Variants in SLC44A5 observed in about 807,000 individuals in gnomAD.
SLC44A5 encodes solute carrier family 44 member 5, also known as choline transporter-like protein 5.
In SLC44A5, 57 loss-of-function variants were observed where a neutral mutation model predicts 101.8. That is an observed-to-expected ratio of 0.56 (90% CI 0.45 to 0.70). The LOEUF is 0.70. Ranked by LOEUF, SLC44A5 falls within the 30% of genes least tolerant of loss-of-function variation. The pLI, the probability that SLC44A5 is intolerant of heterozygous loss-of-function variation, is 0.00. For missense variants in SLC44A5, 737 were observed against 853.1 expected, an observed-to-expected ratio of 0.86 and a Z score of 1.70; for synonymous variants, 281 against 290.9, an observed-to-expected ratio of 0.97 and a Z score of 0.35.
intron 6 of SLC44A5, among the ~76,000 whole-genome samples, chr1:75,261,758 A>T (rs1468998582): frequency 7.9e-5 from 12 of 152,138 alleles, no homozygotes; most frequent in Non-Finnish European, 4.4e-5. Flanking sequence ...TGGATGCGAA[A>T]ATCCTCAATA....
chr1:75,460,683 A>ATTGG (rs2101691885), intron 2 of SLC44A5, among the ~76,000 whole-genome samples: 1 of 152,334 alleles, frequency 6.6e-6, no homozygotes, highest in Non-Finnish European at 1.5e-5. Context: ...AGATTCCAAT[A>ATTGG]AAAGGGATCT....
At chr1:75,320,464 C>A (rs1023525795) in intron 4 of SLC44A5, among the ~76,000 whole-genome samples, 10 of 152,012 alleles carry the variant, frequency 6.6e-5, no homozygotes, top group African/African-American at 2.2e-4. Context: ...TGCAAAAAAA[C>A]CAAATGCCTA....
chr1:75,333,054 A>G (rs139177888), intron 4 of SLC44A5, among the ~76,000 whole-genome samples: 66 of 152,288 alleles, frequency 4.3e-4, no homozygotes, highest in Admixed American at 1.6e-3. Flanking sequence ...AACCTATAGA[A>G]AAAAAGAACA....
the SLC44A5 span, among the ~76,000 whole-genome samples, chr1:75,651,136 A>C: frequency 1.3e-5 from 2 of 152,180 alleles, no homozygotes; most frequent in Non-Finnish European, 2.9e-5. Flanking sequence ...TTGGGAGCCA[A>C]ATGTCAAGAA....
At chr1:75,688,509 A>G in the SLC44A5 span, among the ~76,000 whole-genome samples, 1 of 152,092 alleles carries the variant, frequency 6.6e-6, no homozygotes, top group African/African-American at 2.4e-5. Context: ...ATGCTGAATC[A>G]TCTCTATTCC....
intron 3 of SLC44A5, among the ~76,000 whole-genome samples, chr1:75,394,914 T>C (rs1662030241): frequency 6.6e-6 from 1 of 152,062 alleles, no homozygotes; most frequent in African/African-American, 2.4e-5. Flanking sequence ...AGATGCACTT[T>C]TAGTGGATGC....
At chr1:75,655,011 T>C in the SLC44A5 span, among the ~76,000 whole-genome samples, 1 of 152,148 alleles carries the variant, frequency 6.6e-6, no homozygotes, top group Non-Finnish European at 1.5e-5. Context: ...CAAATTTGGG[T>C]TCGTCATCTG....
intron 3 of SLC44A5, among the ~76,000 whole-genome samples, chr1:75,392,821 C>T (rs763005057): frequency 6.6e-6 from 1 of 152,086 alleles, no homozygotes; most frequent in African/African-American, 2.4e-5. Context: ...ACTATGCAGC[C>T]ACAAAAAGAG....
chr1:75,363,744 A>C (rs1659666570), intron 3 of SLC44A5, among the ~76,000 whole-genome samples: 1 of 152,190 alleles, frequency 6.6e-6, no homozygotes, highest in African/African-American at 2.4e-5. Context: ...GAATATAATT[A>C]TGTATTACTT....
At chr1:75,514,851 A>G (rs985003625) in intron 2 of SLC44A5, among the ~76,000 whole-genome samples, 2 of 152,190 alleles carry the variant, frequency 1.3e-5, no homozygotes, top group African/African-American at 4.8e-5. Context: ...AGAAACTGTA[A>G]TTTTATCTTC....
intron 1 of SLC44A5, among the ~76,000 whole-genome samples, chr1:75,566,707 A>G (rs572333853): frequency 6.6e-6 from 1 of 152,346 alleles, no homozygotes; most frequent in Admixed American, 6.5e-5. Context: ...CTGACAATGC[A>G]TTTATCTGGC....
intron 2 of SLC44A5, among the ~76,000 whole-genome samples, chr1:75,492,173 G>A (rs1408796069): frequency 6.6e-6 from 1 of 152,138 alleles, no homozygotes; most frequent in African/African-American, 2.4e-5. Flanking sequence ...TTCAAAACAT[G>A]ATGAGGAGGT....
intron 5 of SLC44A5, among the ~76,000 whole-genome samples, chr1:75,285,677 C>T (rs181501214): frequency 1.1e-4 from 17 of 152,022 alleles, no homozygotes; most frequent in African/African-American, 2.4e-4. Context: ...TCACTATTTT[C>T]GTACAGTTCA....
chr1:75,268,828 G>A (rs1380335526), intron 6 of SLC44A5, among the ~76,000 whole-genome samples: 1 of 151,924 alleles, frequency 6.6e-6, no homozygotes, highest in African/African-American at 2.4e-5. Context: ...TGATTAAATG[G>A]TATTTTATAA....
intron 1 of SLC44A5, among the ~76,000 whole-genome samples, chr1:75,579,358 G>T (rs554339472): frequency 6.6e-6 from 1 of 152,144 alleles, no homozygotes; most frequent in East Asian, 1.9e-4. Flanking sequence ...CAGGAGGATC[G>T]CTTGAACTGA....
At chr1:75,349,445 G>A (rs1171641707) in intron 3 of SLC44A5, among the ~76,000 whole-genome samples, 2 of 152,184 alleles carry the variant, frequency 1.3e-5, no homozygotes, top group Admixed American at 6.5e-5. Flanking sequence ...AGGGAATAGA[G>A]ATATAGAGAT....
intron 5 of SLC44A5, among the ~76,000 whole-genome samples, chr1:75,286,981 C>G (rs943432286): frequency 6.6e-6 from 1 of 152,100 alleles, no homozygotes; most frequent in Non-Finnish European, 1.5e-5. Flanking sequence ...ATTCAGATGT[C>G]TATATCTCTA....
chr1:75,255,134 T>C (rs1199410071), intron 6 of SLC44A5, among the ~76,000 whole-genome samples: 1 of 152,076 alleles, frequency 6.6e-6, no homozygotes, highest in African/African-American at 2.4e-5. Context: ...GAGGCCTCCT[T>C]GGTAAGATGA....
In SLC44A5 at chr1:75,292,723, C is replaced by T. The variant is rs993815227; in HGVS notation, c.175+7889G>A. On this transcript the variant is annotated intron_variant, in intron 5 of 23. Coordinates refer to ENST00000370859, the MANE Select transcript of SLC44A5 (RefSeq NM_001130058.2). ...ATCCCCCAAACTGTTCTTGGATACTCGCTGTTTTAAGCCCAACTCAGTGTG... is the reference window on the plus strand; with the variant it reads ...ATCCCCCAAACTGTTCTTGGATACTTGCTGTTTTAAGCCCAACTCAGTGTG... Among the ~76,000 whole-genome samples the T allele has an allele frequency of 2.0e-5, 3 of 152,268 alleles. No homozygotes were observed. In the South Asian group the frequency reaches 6.2e-4, roughly 32 times the overall value.
Sources: gnomAD v4.1 joint callset for allele counts (sites outside exome capture counted in the v4.1 genomes callset) on GRCh38, gnomAD v4.1.1 for gene constraint, MANE v1.5 for transcripts, NCBI Gene and HGNC (gene_info 2026-07-23, HGNC 2026-07-21) for gene names.